Variants in ZNF331 observed in about 807,000 individuals in gnomAD.
The protein encoded by ZNF331 is zinc finger protein 331, also known as C2H2-like zinc finger protein rearranged in thyroid adenomas.
In ZNF331, 2 loss-of-function variants were observed where a neutral mutation model predicts 7.0. The observed-to-expected ratio is 0.29, with a 90% CI of 0.12 to 0.90. The LOEUF is 0.90. ZNF331 is among the 40% of genes least tolerant of loss of function. The probability of loss-of-function intolerance (pLI) is 0.58; values close to 1 mark genes in which losing one functional copy is unlikely to be tolerated. For synonymous variants in ZNF331, 196 were observed against 205.4 expected (o/e 0.95, Z 0.39); for missense variants, 432 against 587.7 (o/e 0.74, Z 2.74).
At chr19:53,553,604 T>G (rs1169975523) in intron 2 of ZNF331, among the ~76,000 whole-genome samples, 1 of 141,658 alleles carries the variant, frequency 7.1e-6, no homozygotes, top group East Asian at 1.9e-4. Context: ...AATGAGACTG[T>G]GGTTAAGTAG....
chr19:53,515,180 C>A (rs2086873858), upstream of ZNF331, among the ~76,000 whole-genome samples: 1 of 152,162 alleles, frequency 6.6e-6, no homozygotes, highest in African/African-American at 2.4e-5. Flanking sequence ...AGTTCTCCTG[C>A]TCCGCGTTCT....
At chr19:53,545,668 C>T (rs2088548803) in intron 2 of ZNF331, among the ~76,000 whole-genome samples, 1 of 152,230 alleles carries the variant, frequency 6.6e-6, no homozygotes, top group South Asian at 2.1e-4. Flanking sequence ...TCCATTGTCT[C>T]TGGGCTTCCT....
chr19:53,525,281 G>T (rs1430341679), intron 2 of ZNF331, among the ~76,000 whole-genome samples: 1 of 152,160 alleles, frequency 6.6e-6, no homozygotes, highest in Non-Finnish European at 1.5e-5. Context: ...CTTTAAAGTA[G>T]TTTTTTCCAA....
rs987464856 is a variant in ZNF331 at position 53,578,175 on chromosome 19, G to A, written c.*223G>A. 10 of 544,276 alleles carry A rather than the reference G, an allele frequency of 1.8e-5. No homozygotes were observed. The highest frequency in any genetic ancestry group is 4.4e-5 in the South Asian group (2 of 45,422). 33.7% of individuals were successfully genotyped at this position (544,276 alleles called of 1,614,324 possible). On this transcript the variant is annotated 3_prime_UTR_variant, in exon 6 of 6. Transcript: ENST00000449416. ...TCATCCCTTGGTCCAGCACATCCAC[G>A]CTGTATACGCCACCCACCCTGCTAG... is the stretch of plus-strand genomic sequence containing the variant.
upstream of ZNF331, among the ~76,000 whole-genome samples, chr19:53,519,199 G>A (rs921299515): frequency 5.3e-5 from 8 of 152,006 alleles, no homozygotes; most frequent in Non-Finnish European, 1.2e-4. Flanking sequence ...CTGAGCTCCA[G>A]GAGGCTCCCT....
intron 4 of ZNF331, among the ~76,000 whole-genome samples, chr19:53,570,184 A>G (rs971896181): frequency 6.7e-5 from 10 of 149,790 alleles, no homozygotes; most frequent in Non-Finnish European, 1.3e-4. Context: ...TGAACCCAGG[A>G]GATGGAGGTT....
At position 53,577,931 on chromosome 19, in the gene ZNF331, T is replaced by A. The variant is rs763721762; in HGVS notation, c.1371T>A (p.His457Gln). ...ACNHLNHLRE[H>Q]QRIHNS is the part of the protein sequence containing the mutation. ...ACCACCTAAACCATCTCCGAGAACATCAGAGGATCCACAACAGTTGAAGAG... is the reference window on the plus strand; with the variant it reads ...ACCACCTAAACCATCTCCGAGAACAACAGAGGATCCACAACAGTTGAAGAG... Residue 457 changes from histidine (H) to glutamine (Q), a missense_variant, in exon 6 of 6, where the codon CAT becomes CAA. His to Gln is a conservative substitution (Grantham distance 24). Around this residue, in one of 3 missense-constraint regions of ZNF331, gnomAD observed 312 missense variants for 448.6 expected, o/e 0.70. Transcript: ENST00000449416. 5.0e-6 allele frequency: 8 copies of A among 1,612,650 alleles called. No individual in the cohort carries two copies. In the African/African-American group the frequency reaches 1.1e-4, roughly 22 times the overall value.
chr19:53,554,456 C>A (rs1267697338), intron 2 of ZNF331: 1 of 152,302 alleles, frequency 6.6e-6, no homozygotes, highest in Non-Finnish European at 1.5e-5. Context: ...CTGCGCGCTC[C>A]GGCCGCTGGG....
the ZNF331 span, chr19:53,503,436 A>C: frequency 3.3e-6 from 2 of 602,820 alleles, no homozygotes; most frequent in South Asian, 3.7e-5. Context: ...CTTATCGCAG[A>C]CTGTACTTGG....
chr19:53,546,340 C>T (rs1042541742), intron 2 of ZNF331, among the ~76,000 whole-genome samples: 1 of 151,912 alleles, frequency 6.6e-6, no homozygotes. Context: ...TTTATGGCCC[C>T]AAATATCCTC....
chr19:53,572,565 CATATATATTATATAT>C (rs60601329), intron 5 of ZNF331, among the ~76,000 whole-genome samples: 52,123 of 142,638 alleles, frequency 0.37, 10,112 homozygotes, highest in African/African-American at 0.51. Flanking sequence ...TATACACACA[CATATATATTATATAT>C]ACACATATAT....
intron 2 of ZNF331, among the ~76,000 whole-genome samples, chr19:53,529,941 C>T (rs3974963): frequency 0.014 from 2,189 of 152,214 alleles, 52 homozygotes; most frequent in African/African-American, 0.049. Flanking sequence ...TCGGGTAGGC[C>T]ATTCTTGCAT....
At chr19:53,509,877 A>G in the ZNF331 span, among the ~76,000 whole-genome samples, 1 of 152,210 alleles carries the variant, frequency 6.6e-6, no homozygotes, top group South Asian at 2.1e-4. Flanking sequence ...GGAAACTTAC[A>G]GTCATGGCAG....
chr19:53,524,339 ACT>A (rs2087209378), intron 2 of ZNF331, among the ~76,000 whole-genome samples: 1 of 152,204 alleles, frequency 6.6e-6, no homozygotes, highest in African/African-American at 2.4e-5. Flanking sequence ...GAATCGCCAC[ACT>A]GTCTTCCACA....
the ZNF331 span, among the ~76,000 whole-genome samples, chr19:53,508,484 A>G: frequency 2.6e-5 from 4 of 152,046 alleles, no homozygotes; most frequent in Non-Finnish European, 5.9e-5. Context: ...TGATCCATCA[A>G]TGTTGTTTAG....
At chr19:53,570,528 G>A (rs2090389144) in intron 4 of ZNF331, among the ~76,000 whole-genome samples, 1 of 151,964 alleles carries the variant, frequency 6.6e-6, no homozygotes, top group South Asian at 2.1e-4. Flanking sequence ...CATGCAAACC[G>A]TATTTTCTTT....
chr19:53,577,122 G>C lies in ZNF331; in HGVS notation c.562G>C (p.Glu188Gln), dbSNP rs1416538144. 1.2e-6 allele frequency: 2 copies of C among 1,614,176 alleles called. No individual in the cohort carries two copies. The highest frequency in any genetic ancestry group is 1.7e-5 in the Admixed American group (1 of 60,020). Residue 188 changes from glutamate (E) to glutamine (Q), a missense_variant, in exon 6 of 6, where the codon GAA (glutamate) becomes CAA (glutamine). Glu to Gln is a conservative substitution (Grantham distance 29). Transcript: ENST00000449416. ...QKIHTGEKPY[E>Q]CKDCGKAFRW... ...AATTCATACTGGGGAGAAGCCCTAC[G>C]AATGTAAAGACTGTGGGAAGGCTTT...
At chr19:53,547,117 ATAT>A (rs2088666376) in intron 2 of ZNF331, among the ~76,000 whole-genome samples, 1 of 152,136 alleles carries the variant, frequency 6.6e-6, no homozygotes, top group Admixed American at 6.6e-5. Flanking sequence ...GGCATATTCA[ATAT>A]TATTCATTAT....
chr19:53,556,475 G>C (rs1333913334), intron 3 of ZNF331, among the ~76,000 whole-genome samples: 1 of 151,074 alleles, frequency 6.6e-6, no homozygotes, highest in African/African-American at 2.4e-5. Flanking sequence ...GACTAAAAGG[G>C]CAAACTTTTT....
Sources: allele counts gnomAD v4.1 joint callset (sites outside exome capture counted in the v4.1 genomes callset), GRCh38; gene constraint gnomAD v4.1.1; regional missense constraint gnomAD v4.1.1; transcripts MANE v1.5; gene names NCBI Gene and HGNC (gene_info 2026-07-23, HGNC 2026-07-21).